Variants in DOCK8 observed in about 807,000 individuals in gnomAD.
DOCK8 encodes the protein dedicator of cytokinesis protein 8.
In DOCK8, 141 loss-of-function variants were observed where a neutral mutation model predicts 245.6. The ratio of observed to expected loss-of-function variants is 0.57; its 90% CI spans 0.50 to 0.66. The LOEUF (loss-of-function observed/expected upper bound fraction) is 0.66, where lower values mean the gene tolerates loss of function less well. DOCK8 is among the 30% of genes least tolerant of loss of function. DOCK8 has a pLI of 0.00. For missense variants in DOCK8, 2,965 were observed against 2,603.4 expected (o/e 1.14, Z -3.02); for synonymous variants, 1,168 against 970.2 (o/e 1.20, Z -3.79).
intron 46 of DOCK8, among the ~76,000 whole-genome samples, chr9:461,863 T>A (rs1461811093): frequency 6.6e-6 from 1 of 152,024 alleles, no homozygotes; most frequent in Non-Finnish European, 1.5e-5. Context: ...TTTTTCTTTT[T>A]TCTAGAAGTT....
At chr9:455,174 C>A (rs1260411779) in intron 46 of DOCK8, among the ~76,000 whole-genome samples, 1 of 152,194 alleles carries the variant, frequency 6.6e-6, no homozygotes, top group East Asian at 1.9e-4. Context: ...CTTCACTGTT[C>A]TTACACGTCA....
intron 39 of DOCK8, among the ~76,000 whole-genome samples, chr9:435,658 A>G (rs2056875908): frequency 6.6e-6 from 1 of 152,340 alleles, no homozygotes; most frequent in Non-Finnish European, 1.5e-5. Flanking sequence ...GGGAGACAAA[A>G]GGCTGAATCA....
At chr9:214,239 C>T (rs552853394), upstream of DOCK8, 92 of 448,420 alleles carry the variant, frequency 2.1e-4, no homozygotes, top group African/African-American at 1.8e-3. Flanking sequence ...TAAACCTGGA[C>T]GCAGCGTACC....
intron 37 of DOCK8, 65 bp downstream of exon 37, chr9:432,389 T>C: frequency 4.2e-6 from 6 of 1,443,010 alleles, no homozygotes; most frequent in African/African-American, 1.4e-5. Context: ...TGTGTATGTA[T>C]GTATGTACAT....
intron 1 of DOCK8, chr9:215,325 A>C: frequency 6.2e-7 from 1 of 1,603,200 alleles, no homozygotes; most frequent in Non-Finnish European, 8.5e-7. Context: ...CCAGGTTCTT[A>C]CAGGTGGCCG....
intron 1 of DOCK8, among the ~76,000 whole-genome samples, chr9:221,847 A>T (rs1012936269): frequency 4.0e-5 from 6 of 151,522 alleles, no homozygotes; most frequent in African/African-American, 1.2e-4. Flanking sequence ...ATCATGAACA[A>T]CTCTGCATGT....
chr9:372,487 G>A (rs956040323), intron 18 of DOCK8, among the ~76,000 whole-genome samples: 20 of 152,160 alleles, frequency 1.3e-4, no homozygotes, highest in Admixed American at 1.0e-3. Flanking sequence ...TTCAGTAGAC[G>A]CAACCTACAC....
At chr9:436,112 T>TG (rs2056892098) in intron 39 of DOCK8, among the ~76,000 whole-genome samples, 1 of 152,256 alleles carries the variant, frequency 6.6e-6, no homozygotes, top group Non-Finnish European at 1.5e-5. Flanking sequence ...GAAACTATGC[T>TG]GGTGCAGCCA....
At chr9:353,378 A>T (rs7027679) in intron 14 of DOCK8, among the ~76,000 whole-genome samples, 12,694 of 152,242 alleles carry the variant, frequency 0.083, 1,423 homozygotes, top group African/African-American at 0.25. Flanking sequence ...CAATGTTAAA[A>T]ACATCAAGAA....
intron 1 of DOCK8, among the ~76,000 whole-genome samples, chr9:247,380 A>G (rs1028669149): frequency 2.0e-5 from 3 of 152,158 alleles, no homozygotes; most frequent in Admixed American, 2.0e-4. Context: ...TGAATTTCCT[A>G]ATCTTTTAAC....
intron 11 of DOCK8, among the ~76,000 whole-genome samples, chr9:335,008 G>T (rs1170229640): frequency 6.6e-6 from 1 of 152,108 alleles, no homozygotes; most frequent in Non-Finnish European, 1.5e-5. Context: ...GCTTGAACCA[G>T]GGAGGCGAGG....
intron 2 of DOCK8, among the ~76,000 whole-genome samples, chr9:272,318 T>A (rs559696253): frequency 9.9e-5 from 15 of 152,120 alleles, no homozygotes; most frequent in Non-Finnish European, 2.1e-4. Flanking sequence ...ACTCACGCAA[T>A]CTCTGACTCA....
chr9:449,566 A>G (rs574521254), intron 44 of DOCK8, among the ~76,000 whole-genome samples: 25 of 152,332 alleles, frequency 1.6e-4, no homozygotes, highest in South Asian at 2.1e-4. Flanking sequence ...GTTGAGAGGA[A>G]TAAATGCTAA....
chr9:429,620 A>G, intron 35 of DOCK8, 82 bp from the exon 36 acceptor site: 1 of 1,547,650 alleles, frequency 6.5e-7, no homozygotes, highest in Non-Finnish European at 8.9e-7. Context: ...GCTTGTCCAA[A>G]TGGACATTTG....
At chr9:351,602 G>A (rs1361518696) in intron 14 of DOCK8, among the ~76,000 whole-genome samples, 2 of 152,222 alleles carry the variant, frequency 1.3e-5, no homozygotes, top group Non-Finnish European at 1.5e-5. Flanking sequence ...TTCTGTGCAG[G>A]TAGAGCAGCA....
At chr9:316,986 A>C in intron 6 of DOCK8, 57 bp from the exon 7 acceptor site, 1 of 1,384,054 alleles carries the variant, frequency 7.2e-7, no homozygotes, top group Non-Finnish European at 1.0e-6. Context: ...GGTTAACTCT[A>C]ATTGGAGCTC....
chr9:458,703 C>T (rs778536070), intron 46 of DOCK8, among the ~76,000 whole-genome samples: 7 of 151,852 alleles, frequency 4.6e-5, no homozygotes, highest in East Asian at 1.9e-4. Context: ...TCCAACTGCT[C>T]GGGAAGCTGA....
At chr9:416,780 A>G (rs1298026003) in intron 29 of DOCK8, among the ~76,000 whole-genome samples, 2 of 152,210 alleles carry the variant, frequency 1.3e-5, no homozygotes, top group Non-Finnish European at 2.9e-5. Context: ...TAGGTTTACG[A>G]TAAAGGTGAA....
chr9:379,109 T>C (rs1399436440), intron 20 of DOCK8, among the ~76,000 whole-genome samples: 1 of 152,050 alleles, frequency 6.6e-6, no homozygotes, highest in Non-Finnish European at 1.5e-5. Flanking sequence ...GATGGGACAA[T>C]ACAATGACTG....
Sources: gnomAD v4.1 joint callset for allele counts (sites outside exome capture counted in the v4.1 genomes callset) on GRCh38, gnomAD v4.1.1 for gene constraint, MANE v1.5 for transcripts, NCBI Gene and HGNC (gene_info 2026-07-23, HGNC 2026-07-21) for gene names.